The following CSMD2 variants were observed in gnomAD, a reference collection of about 807,000 sequenced individuals.
CSMD2 encodes the protein CUB and Sushi multiple domains 2, also known as CUB and sushi domain-containing protein 2.
In CSMD2, 130 loss-of-function variants were observed where a neutral mutation model predicts 398.5. The observed-to-expected ratio is 0.33, with a 90% CI of 0.28 to 0.38. The LOEUF (loss-of-function observed/expected upper bound fraction) is 0.38, where lower values mean the gene tolerates loss of function less well. CSMD2 is among the 10% of genes least tolerant of loss of function. The probability of loss-of-function intolerance (pLI) is 1.00; values close to 1 mark genes in which losing one functional copy is unlikely to be tolerated. For missense variants in CSMD2, 3,829 were observed against 4,764.9 expected, an observed-to-expected ratio of 0.80 and a Z score of 5.78; for synonymous variants, 1,828 against 1,908.5, an observed-to-expected ratio of 0.96 and a Z score of 1.10.
chr1:34,052,959 GA>G (rs1653385326), intron 2 of CSMD2, among the ~76,000 whole-genome samples: 1 of 152,124 alleles, frequency 6.6e-6, no homozygotes, highest in African/African-American at 2.4e-5. Context: ...GAAACTGGGG[GA>G]CAAAGAGCAA....
intron 41 of CSMD2, among the ~76,000 whole-genome samples, chr1:33,610,152 A>C (rs1016769078): frequency 6.6e-6 from 1 of 152,122 alleles, no homozygotes; most frequent in Admixed American, 6.5e-5. Context: ...TTTGTAAGGC[A>C]CTTGGCTTAT....
chr1:34,160,277 G>A (rs1641210291), intron 1 of CSMD2, among the ~76,000 whole-genome samples: 1 of 152,208 alleles, frequency 6.6e-6, no homozygotes, highest in Non-Finnish European at 1.5e-5. Context: ...GCTGCAGTCA[G>A]CTCATTTTTT....
At chr1:33,863,446 C>T (rs1639697532) in intron 5 of CSMD2, 1 of 152,200 alleles carries the variant, frequency 6.6e-6, no homozygotes, top group African/African-American at 2.4e-5. Flanking sequence ...TTAATAAAAT[C>T]TCAAGGTTCT....
At position 33,743,489 on chromosome 1, in the gene CSMD2, C is replaced by T. The variant is rs745628955; in HGVS notation, c.1964G>A (p.Arg655His). ...VWLILARPES[R>H]IHLAFNDIDV... Reference sequence around the variant, plus strand: ...AATGTCGTTGAAGGCCAGGTGGATGCGGCTCTCAGGCCTGGCCAGGATGAG... The same window carrying T: ...AATGTCGTTGAAGGCCAGGTGGATGTGGCTCTCAGGCCTGGCCAGGATGAG... Residue 655 changes from arginine to histidine, a missense_variant, in exon 14 of 71, where the codon CGC becomes CAC. Coordinates refer to ENST00000373381, the MANE Select transcript of CSMD2 (RefSeq NM_001281956.2). The T allele has an allele frequency of 5.6e-6, 9 of 1,614,040 alleles. No individual in the cohort carries two copies. Among genetic ancestry groups the T allele is most frequent in the African/African-American group, 1.3e-5 (1 of 75,036 alleles).
chr1:33,804,815 A>G lies in CSMD2; in HGVS notation c.1446+5928T>C, dbSNP rs1437241935. ...TGTCCTTGCTGTTTCCCAGAAGACAACTTCTATTCCTCAGTCTTAGACTTT... is the reference window on the plus strand; with the variant it reads ...TGTCCTTGCTGTTTCCCAGAAGACAGCTTCTATTCCTCAGTCTTAGACTTT... On this transcript the variant is annotated intron_variant, in intron 10 of 70. Coordinates refer to ENST00000373381, the MANE Select transcript of CSMD2 (RefSeq NM_001281956.2). 7.0e-6 allele frequency: 5 copies of G among 717,210 alleles called. No individual in the cohort carries two copies. In the Admixed American group the frequency reaches 1.0e-4, roughly 14 times the overall value. The allele number at this position is 717,210 out of a possible 1,614,324, so 44.4% of individuals were successfully genotyped here. A position where few individuals can be genotyped will look rare whatever the true frequency, so the allele number is the denominator to read the frequency against.
intron 6 of CSMD2, among the ~76,000 whole-genome samples, chr1:33,844,160 C>G (rs1423954098): frequency 6.6e-6 from 1 of 152,212 alleles, no homozygotes; most frequent in Non-Finnish European, 1.5e-5. Context: ...TAAAGCTTAG[C>G]TTGGTCTTTC....
At chr1:33,992,437 G>A (rs1646585182) in intron 3 of CSMD2, among the ~76,000 whole-genome samples, 1 of 151,848 alleles carries the variant, frequency 6.6e-6, no homozygotes, top group Non-Finnish European at 1.5e-5. Context: ...TGAACTCCTG[G>A]GCTCAAGCAA....
chr1:33,956,030 A>T (rs1422594087), intron 3 of CSMD2, among the ~76,000 whole-genome samples: 1 of 152,146 alleles, frequency 6.6e-6, no homozygotes, highest in Admixed American at 6.5e-5. Flanking sequence ...GGCAATTAAC[A>T]CACCAGATCT....
At chr1:34,165,284 T>G, upstream of CSMD2, 1 of 1,191,104 alleles carries the variant, frequency 8.4e-7, no homozygotes, top group East Asian at 3.7e-5. Context: ...CGGAAATGAC[T>G]CGCTCCAATC....
intron 3 of CSMD2, among the ~76,000 whole-genome samples, chr1:33,969,470 T>C (rs1358069652): frequency 6.6e-6 from 1 of 152,192 alleles, no homozygotes; most frequent in Non-Finnish European, 1.5e-5. Context: ...GATAGATAGA[T>C]ATAGAGATTT....
intron 2 of CSMD2, among the ~76,000 whole-genome samples, chr1:34,046,296 T>C (rs1652509354): frequency 6.6e-6 from 1 of 152,248 alleles, no homozygotes. Context: ...ATTTAACAAT[T>C]ATTTAAGGAT....
intron 3 of CSMD2, among the ~76,000 whole-genome samples, chr1:33,986,934 G>A (rs748889746): frequency 1.3e-5 from 2 of 152,150 alleles, no homozygotes; most frequent in South Asian, 2.1e-4. Context: ...CATCCTTCTC[G>A]TGTGTGTGTG....
intron 25 of CSMD2, among the ~76,000 whole-genome samples, chr1:33,680,752 C>T (rs1644881299): frequency 6.6e-6 from 1 of 152,060 alleles, no homozygotes; most frequent in East Asian, 1.9e-4. Context: ...CCTCCAGCCC[C>T]ACCCAGGACC....
chr1:33,674,658 C>A (rs1644636315), intron 25 of CSMD2, among the ~76,000 whole-genome samples: 1 of 152,178 alleles, frequency 6.6e-6, no homozygotes, highest in African/African-American at 2.4e-5. Flanking sequence ...AATATACATT[C>A]TTTTCAGCAC....
chr1:33,790,634 A>C (rs1363760619), intron 11 of CSMD2, among the ~76,000 whole-genome samples: 16 of 151,438 alleles, frequency 1.1e-4, no homozygotes, highest in Admixed American at 1.1e-3. Context: ...CTTTACAACA[A>C]ATTATCTATC....
chr1:34,125,170 A>T (rs1662607472), intron 1 of CSMD2, among the ~76,000 whole-genome samples: 1 of 152,232 alleles, frequency 6.6e-6, no homozygotes, highest in Non-Finnish European at 1.5e-5. Flanking sequence ...TGGCAGAGGT[A>T]ACATCTGCAT....
At chr1:33,674,525 C>T (rs563341916) in intron 25 of CSMD2, among the ~76,000 whole-genome samples, 1,864 of 152,250 alleles carry the variant, frequency 0.012, 38 homozygotes, top group African/African-American at 0.042. Flanking sequence ...TTTAACACCC[C>T]ACTGTCAACA....
chr1:33,736,268 T>C (rs973178401), intron 15 of CSMD2, among the ~76,000 whole-genome samples: 10 of 152,172 alleles, frequency 6.6e-5, no homozygotes, highest in African/African-American at 2.2e-4. Flanking sequence ...GATCACGAGG[T>C]CAGGAGATCA....
intron 25 of CSMD2, among the ~76,000 whole-genome samples, chr1:33,673,398 A>G (rs188269187): frequency 4.3e-4 from 66 of 152,362 alleles, no homozygotes; most frequent in African/African-American, 1.4e-3. Flanking sequence ...AAGCGAGAAG[A>G]GAAGTTTAGA....
Sources: allele counts gnomAD v4.1 joint callset (sites outside exome capture counted in the v4.1 genomes callset), GRCh38; gene constraint gnomAD v4.1.1; transcripts MANE v1.5; gene names NCBI Gene and HGNC (gene_info 2026-07-23, HGNC 2026-07-21).